LIMD1: variants seen among roughly 807,000 people sequenced by gnomAD.
The protein encoded by LIMD1 is LIM domain-containing protein 1.
In LIMD1, 23 loss-of-function variants were observed where a neutral mutation model predicts 58.4. The ratio of observed to expected loss-of-function variants is 0.39; its 90% CI spans 0.28 to 0.56. The LOEUF is 0.56. Ranked by LOEUF, LIMD1 falls within the 20% of genes least tolerant of loss-of-function variation. The probability of loss-of-function intolerance (pLI) is 0.57; values close to 1 mark genes in which losing one functional copy is unlikely to be tolerated. For synonymous variants in LIMD1, 334 were observed against 345.5 expected (o/e 0.97, Z 0.37); for missense variants, 838 against 855.5 (o/e 0.98, Z 0.25).
At chr3:45,672,944 C>CT (rs1450124326) in intron 5 of LIMD1, 124 bp downstream of exon 5, 1 of 1,189,072 alleles carries the variant, frequency 8.4e-7, no homozygotes, top group African/African-American at 1.5e-5. Flanking sequence ...CCAGCAAAGG[C>CT]TTAATGGTTT....
At position 45,667,640 on chromosome 3, in the gene LIMD1, G is replaced by GA. The variant is rs201927209; in HGVS notation, c.1579-653dup. ...AGGTAAGATAAGGTAAGGTAAAGTA[G>GA]ATATTTATTAAGTTTCTTTGAAGCT... is the stretch of plus-strand genomic sequence containing the variant. On this transcript the variant is annotated intron_variant, in intron 3 of 7. Coordinates refer to ENST00000273317, the MANE Select transcript of LIMD1 (RefSeq NM_014240.3). Among the ~76,000 whole-genome samples, 413 of 151,380 alleles carry GA rather than the reference G, an allele frequency of 2.7e-3. 11 individuals are homozygous for GA. The East Asian group carries it at 0.051, about 19-fold the overall frequency.
At chr3:45,653,827 T>A (rs912755775) in intron 2 of LIMD1, among the ~76,000 whole-genome samples, 5 of 147,732 alleles carry the variant, frequency 3.4e-5, no homozygotes, top group African/African-American at 1.3e-4. Context: ...GGAGGATGGC[T>A]TGAATCCAGA....
intron 2 of LIMD1, among the ~76,000 whole-genome samples, chr3:45,645,942 G>C (rs1349379302): frequency 6.6e-6 from 1 of 151,064 alleles, no homozygotes; most frequent in Non-Finnish European, 1.5e-5. Flanking sequence ...ACAAGCTGCT[G>C]TCTGTGGAGC....
intron 1 of LIMD1, among the ~76,000 whole-genome samples, chr3:45,608,512 T>C (rs1425194362): frequency 1.3e-5 from 2 of 152,094 alleles, no homozygotes; most frequent in African/African-American, 4.8e-5. Flanking sequence ...TGACAAAGTT[T>C]GTTTAGAAGC....
chr3:45,619,743 G>A (rs1388478753), intron 1 of LIMD1, among the ~76,000 whole-genome samples: 1 of 151,930 alleles, frequency 6.6e-6, no homozygotes, highest in Non-Finnish European at 1.5e-5. Context: ...AGGTTGTGGT[G>A]AGCTGAGATT....
rs189180246 is a variant in LIMD1 at position 45,677,452 on chromosome 3, T to C, written c.*393T>C. 14 of 166,060 alleles carry C rather than the reference T, an allele frequency of 8.4e-5. No individual in the cohort carries two copies. The highest frequency in any genetic ancestry group is 3.3e-4 in the African/African-American group (14 of 42,062). 10.3% of individuals were successfully genotyped at this position (166,060 alleles called of 1,614,324 possible). On this transcript the variant is annotated 3_prime_UTR_variant, in exon 8 of 8. Coordinates refer to ENST00000273317, the MANE Select transcript of LIMD1 (RefSeq NM_014240.3). ...CTTGAAGGGACAGCTCAGCTGCCAA[T>C]ACATTCAACCCTTTCTCTTCCTTCA... is the stretch of plus-strand genomic sequence containing the variant.
At chr3:45,670,824 CT>C (rs1697578333) in intron 4 of LIMD1, among the ~76,000 whole-genome samples, 1 of 152,152 alleles carries the variant, frequency 6.6e-6, no homozygotes, top group Non-Finnish European at 1.5e-5. Context: ...GACTTGAAAA[CT>C]TTTAGTGAAT....
intron 3 of LIMD1, among the ~76,000 whole-genome samples, chr3:45,666,443 G>A (rs1391914866): frequency 2.0e-5 from 3 of 152,168 alleles, no homozygotes. Context: ...CCCAGCATGT[G>A]CAGGGTACAA....
At chr3:45,654,937 T>TA (rs1702013521) in intron 2 of LIMD1, among the ~76,000 whole-genome samples, 1 of 146,922 alleles carries the variant, frequency 6.8e-6, no homozygotes, top group Non-Finnish European at 1.5e-5. Context: ...TTTTTTTTTT[T>TA]AAGACATAGT....
chr3:45,675,047 C>A (rs1697650022), intron 7 of LIMD1, among the ~76,000 whole-genome samples: 1 of 152,192 alleles, frequency 6.6e-6, no homozygotes, highest in African/African-American at 2.4e-5. Context: ...AGATTAGATT[C>A]ATTTGGTGAC....
chr3:45,605,320 T>A (rs1336364268), intron 1 of LIMD1, among the ~76,000 whole-genome samples: 1 of 152,280 alleles, frequency 6.6e-6, no homozygotes, highest in African/African-American at 2.4e-5. Context: ...TTTCCAGACC[T>A]TTACGGAATT....
chr3:45,629,205 A>G (rs1701701918), intron 1 of LIMD1, among the ~76,000 whole-genome samples: 2 of 152,022 alleles, frequency 1.3e-5, no homozygotes, highest in African/African-American at 4.8e-5. Flanking sequence ...TGAGGTCAGG[A>G]GTTCAAGACC....
intron 2 of LIMD1, among the ~76,000 whole-genome samples, chr3:45,651,180 GGTT>G (rs577200829): frequency 3.3e-5 from 5 of 152,072 alleles, no homozygotes; most frequent in African/African-American, 9.7e-5. Context: ...TTTTTGATGG[GGTT>G]GTTGTTTTCT....
In LIMD1 at chr3:45,686,183, T is replaced by A. The variant is rs1031263864; in HGVS notation, c.*9124T>A. 1.3e-5 allele frequency: 2 copies of A among 152,182 alleles called. No individual in the cohort carries two copies. Among genetic ancestry groups the A allele is most frequent in the African/African-American group, 2.4e-5 (1 of 41,424 alleles). 9.4% of individuals were successfully genotyped at this position (152,182 alleles called of 1,614,324 possible). A position where few individuals can be genotyped will look rare whatever the true frequency, so the allele number is the denominator to read the frequency against. ...CCATTTATCCTTTTAACTTTTTGCC[T>A]ACTTTATTTCTGTAAAATTGTTTTA... On this transcript the variant is annotated 3_prime_UTR_variant, in exon 8 of 8. Transcript: ENST00000273317.
rs1701338821 is a variant in LIMD1, at chr3:45,595,641, C to T, written c.762C>T (p.Arg254=). Residue 254 remains arginine, a synonymous_variant, in exon 1 of 8, where the codon CGC becomes CGT. Transcript: ENST00000273317. ...LGGQNSGIGG[R]SSEKPTGLWS... Reference sequence around the variant, plus strand: ...GTCAGAATAGTGGCATTGGTGGCCGCAGCAGCGAGAAGCCAACAGGCCTTT... The same window carrying T: ...GTCAGAATAGTGGCATTGGTGGCCGTAGCAGCGAGAAGCCAACAGGCCTTT... 6.2e-7 allele frequency: 1 copy of T among 1,614,148 alleles called. No individual in the cohort carries two copies. Among genetic ancestry groups the T allele is most frequent in the Non-Finnish European group, 8.5e-7 (1 of 1,180,020 alleles).
chr3:45,599,500 C>T (rs1407672875), intron 1 of LIMD1, among the ~76,000 whole-genome samples: 2 of 152,194 alleles, frequency 1.3e-5, no homozygotes, highest in African/African-American at 4.8e-5. Context: ...TTTCCCTGGT[C>T]TGTCTAGTCA....
chr3:45,623,306 G>A (rs1362005094), intron 1 of LIMD1, among the ~76,000 whole-genome samples: 1 of 152,182 alleles, frequency 6.6e-6, no homozygotes, highest in Admixed American at 6.5e-5. Context: ...GAGGCTGCAG[G>A]CTGGGCTGCC....
At chr3:45,629,972 A>G (rs765871637) in intron 1 of LIMD1, among the ~76,000 whole-genome samples, 4 of 152,200 alleles carry the variant, frequency 2.6e-5, no homozygotes, top group African/African-American at 4.8e-5. Context: ...TATCTCATTA[A>G]AGCTGTTTTA....
chr3:45,595,825 T>C lies in LIMD1; in HGVS notation c.946T>C (p.Ser316Pro), dbSNP rs1701341589. Residue 316 changes from serine to proline, a missense_variant, in exon 1 of 8, where the codon TCG becomes CCG. By Grantham distance (74) the Ser-to-Pro change is moderately conservative. Transcript: ENST00000273317. ...GCAAGGAGGTCTTCCAAGATCAAAC[T>C]CGGGGCTGGGGGGTGAGGTTTCAGG... Reference protein sequence around the residue: ...PRQGGLPRSNSGLGGEVSGVM... With the variant: ...PRQGGLPRSNPGLGGEVSGVM... The C allele has an allele frequency of 1.9e-6, 3 of 1,614,132 alleles. No individual in the cohort carries two copies. The highest frequency in any genetic ancestry group is 2.5e-6 in the Non-Finnish European group (3 of 1,180,014).
Sources: allele counts gnomAD v4.1 joint callset (sites outside exome capture counted in the v4.1 genomes callset), GRCh38; gene constraint gnomAD v4.1.1; transcripts MANE v1.5; gene names NCBI Gene and HGNC (gene_info 2026-07-23, HGNC 2026-07-21).